ECI1: variants seen among roughly 807,000 people sequenced by gnomAD.
The protein encoded by ECI1 is enoyl-CoA delta isomerase 1.
In ECI1, 34 loss-of-function variants were observed where a neutral mutation model predicts 34.2. That is an observed-to-expected ratio of 1.00 (90% CI 0.76 to 1.33). ECI1 has a LOEUF of 1.33. Ranked by LOEUF, ECI1 falls within the 40% of genes most tolerant of loss-of-function variation. The pLI, the probability that ECI1 is intolerant of heterozygous loss-of-function variation, is 0.00. For missense variants in ECI1, 456 were observed against 422.2 expected (o/e 1.08, Z -0.70); for synonymous variants, 211 against 193.0 (o/e 1.09, Z -0.77).
chr16:2,246,980 G>C lies in ECI1; in HGVS notation c.173C>G (p.Ala58Gly). The change falls in exon 3 of 7, where the codon GCT becomes GGT. Residue 58 changes from alanine (A) to glycine (G), a missense_variant. Physicochemically the swap from Ala to Gly is moderately conservative, Grantham distance 60. Transcript: ENST00000301729. ...TGGGGGGTTCTTGAATTTCATCACA[G>C]CGACCCCTAATTTAAAGAATGAGAA... ...LVEPDAGAGV[A>G]VMKFKNPPVN... 1 of 1,613,296 alleles carries C rather than the reference G, an allele frequency of 6.2e-7. No individual in the cohort carries two copies. The highest frequency in any genetic ancestry group is 8.5e-7 in the Non-Finnish European group (1 of 1,179,970).
intron 6 of ECI1, chr16:2,240,480 G>T: frequency 3.3e-6 from 1 of 302,580 alleles, no homozygotes; most frequent in Non-Finnish European, 6.4e-6. Context: ...CCAAGTGCTG[G>T]GATTCCAGGC....
At position 2,244,406 on chromosome 16, in the gene ECI1, G is replaced by A. The variant is rs778709886; in HGVS notation, c.441C>T (p.Asn147=). The change falls in exon 4 of 7, where the codon AAC becomes AAT. Residue 147 remains asparagine (N), a splice_region_variant and synonymous_variant. Coordinates refer to ENST00000301729, the MANE Select transcript of ECI1 (RefSeq NM_001919.4). ...QSNLVLVSAI[N]GACPAGGCLV... Reference sequence around the variant, plus strand: ...GCCACCTGGGAGTGGGGACACTCACGTTGATGGCGGAGACCAGCACCAGGT... The same window carrying A: ...GCCACCTGGGAGTGGGGACACTCACATTGATGGCGGAGACCAGCACCAGGT... 64 of 1,611,972 alleles carry A rather than the reference G, an allele frequency of 4.0e-5. No individual in the cohort carries two copies. Among genetic ancestry groups the A allele is most frequent in the Admixed American group, 1.2e-4 (7 of 59,880 alleles).
chr16:2,244,079 T>A (rs1270420978), intron 4 of ECI1: 22 of 422,716 alleles, frequency 5.2e-5, no homozygotes, highest in Non-Finnish European at 7.1e-5. Flanking sequence ...CCAGAAGGGA[T>A]GGAGTGATGT....
At chr16:2,246,028 G>C (rs1045953343) in intron 3 of ECI1, among the ~76,000 whole-genome samples, 7 of 152,136 alleles carry the variant, frequency 4.6e-5, no homozygotes, top group African/African-American at 1.7e-4. Context: ...GATCACTTGA[G>C]GTCAGGAGTT....
At position 2,246,926 on chromosome 16, in the gene ECI1, G is replaced by A. The variant is rs112729404; in HGVS notation, c.227C>T (p.Thr76Met). 5.1e-3 allele frequency: 8,247 copies of A among 1,613,858 alleles called. 110 individuals are homozygous for A. The highest frequency in any genetic ancestry group is 0.035 in the South Asian group (3,152 of 91,074). The change falls in exon 3 of 7, where the codon ACG becomes ATG. Residue 76 changes from threonine (T) to methionine (M), a missense_variant. Coordinates refer to ENST00000301729, the MANE Select transcript of ECI1 (RefSeq NM_001919.4). The part of the protein sequence containing the change: ...PVNSLSLEFL[T>M]ELVISLEKLE... ...CTTCTCCAGGCTGATGACCAGCTCC[G>A]TCAGAAACTCCAGGCTCAGGCTGTT...
intron 6 of ECI1, chr16:2,240,584 T>C (rs961615859): frequency 4.8e-6 from 1 of 207,770 alleles, no homozygotes; most frequent in South Asian, 7.7e-5. Flanking sequence ...AGTGCACTAG[T>C]GATCACGACT....
intron 3 of ECI1, among the ~76,000 whole-genome samples, chr16:2,245,146 C>A (rs2093537292): frequency 6.6e-6 from 1 of 152,198 alleles, no homozygotes. Flanking sequence ...GGGAGGCGGG[C>A]TCGGGGAGGA....
chr16:2,247,169 T>A (rs1037387401), intron 2 of ECI1, among the ~76,000 whole-genome samples, 183 bp from the exon 3 acceptor site: 2 of 152,176 alleles, frequency 1.3e-5, no homozygotes, highest in African/African-American at 4.8e-5. Context: ...CGATCTCAGC[T>A]CACTGCAAGC....
At chr16:2,240,365 C>T (rs1845803285) in intron 6 of ECI1, 1 of 513,514 alleles carries the variant, frequency 1.9e-6, no homozygotes, top group Admixed American at 3.2e-5. Flanking sequence ...CCGTGTGCCA[C>T]CACACCCGGC....
Position 2,242,984 on chromosome 16 carries a change from T to C in ECI1, c.742+62A>G, listed in dbSNP as rs1652462286. ...AGTCACGATGTCCACAGAAAACCTT[T>C]GGGTGGAGAACCTTCTGGTCTCCCC... On this transcript the variant is annotated intron_variant, in intron 6 of 6. Transcript: ENST00000301729. 9 of 1,326,918 alleles carry C rather than the reference T, an allele frequency of 6.8e-6. No individual in the cohort carries two copies. The South Asian group carries it at 7.1e-5, about 10-fold the overall frequency. 82.2% of individuals were successfully genotyped at this position (1,326,918 alleles called of 1,614,324 possible).
At chr16:2,242,703 G>GT (rs776144176) in intron 6 of ECI1, 12 of 367,734 alleles carry the variant, frequency 3.3e-5, no homozygotes, top group Non-Finnish European at 6.1e-5. Flanking sequence ...AGAAAGCTGC[G>GT]TAAGGATGGA....
At chr16:2,250,930 T>C (rs952663409) in intron 2 of ECI1, among the ~76,000 whole-genome samples, 9 of 152,186 alleles carry the variant, frequency 5.9e-5, no homozygotes, top group Non-Finnish European at 1.3e-4. Flanking sequence ...CCAGCGATTC[T>C]TCTGCCTCAG....
At chr16:2,245,595 G>C (rs534027755) in intron 3 of ECI1, among the ~76,000 whole-genome samples, 1 of 152,330 alleles carries the variant, frequency 6.6e-6, no homozygotes, top group African/African-American at 2.4e-5. Flanking sequence ...GCCTGGCGTG[G>C]TGGCTCATGC....
In ECI1 at chr16:2,243,450, A is replaced by C; in HGVS notation, c.442-11T>G. 2 of 1,611,334 alleles carry C rather than the reference A, an allele frequency of 1.2e-6. No homozygotes were observed. The highest frequency in any genetic ancestry group is 1.7e-6 in the Non-Finnish European group (2 of 1,179,912). ...AGCGGGGCAGGCTCCCTGCAGGGAGAGGCCGGACAGGGCTCTTAGGTGCTG... is the reference window on the plus strand; with the variant it reads ...AGCGGGGCAGGCTCCCTGCAGGGAGCGGCCGGACAGGGCTCTTAGGTGCTG... On this transcript the variant is annotated splice_polypyrimidine_tract_variant and intron_variant, in intron 4 of 6. Transcript: ENST00000301729.
intron 6 of ECI1, 144 bp downstream of exon 6, chr16:2,242,902 C>T (rs547812213): frequency 7.1e-6 from 5 of 708,154 alleles, no homozygotes; most frequent in Admixed American, 4.1e-5. Context: ...GTCTGTGCTG[C>T]GTTGTTACAG....
rs746322253 is a variant in ECI1, at chr16:2,251,477, G to T, written c.52+38C>A. On this transcript the variant is annotated intron_variant, in intron 1 of 6. Coordinates refer to ENST00000301729, the MANE Select transcript of ECI1 (RefSeq NM_001919.4). The stretch of plus-strand genomic sequence containing the variant: ...CCCGTTAGTTCCCGGTCCTGGCCCC[G>T]GCCCCGGCCCGATCCCTGCCCACCC... The T allele has an allele frequency of 1.9e-6, 3 of 1,542,326 alleles. No homozygotes were observed. The Admixed American group carries it at 5.8e-5, about 30-fold the overall frequency.
chr16:2,249,716 C>CA (rs56139101), intron 2 of ECI1, among the ~76,000 whole-genome samples: 104 of 139,674 alleles, frequency 7.4e-4, no homozygotes, highest in East Asian at 1.5e-3. Flanking sequence ...CTAAAAATAC[C>CA]AAAAAAAAAA....
Position 2,247,044 on chromosome 16 carries a change from C to T in ECI1, c.167-58G>A, listed in dbSNP as rs1012347181. The stretch of plus-strand genomic sequence containing the variant: ...CCTGGCACTGGAAAAGCAGCCTGAC[C>T]AGCCTGCACCCTCAACTAAGCCATG... On this transcript the variant is annotated intron_variant, in intron 2 of 6. Transcript: ENST00000301729. 5 of 1,593,842 alleles carry T rather than the reference C, an allele frequency of 3.1e-6. No individual in the cohort carries two copies. The African/African-American group carries it at 6.7e-5, about 21-fold the overall frequency.
intron 2 of ECI1, among the ~76,000 whole-genome samples, chr16:2,249,299 C>G (rs1433341450): frequency 6.6e-6 from 1 of 151,604 alleles, no homozygotes; most frequent in Non-Finnish European, 1.5e-5. Context: ...TCCGCGCACC[C>G]TGGCCTCCCA....
Sources: gnomAD v4.1 joint callset for allele counts (sites outside exome capture counted in the v4.1 genomes callset) on GRCh38, gnomAD v4.1.1 for gene constraint, MANE v1.5 for transcripts, NCBI Gene and HGNC (gene_info 2026-07-23, HGNC 2026-07-21) for gene names.